ARHGAP21: variants seen among roughly 807,000 people sequenced by gnomAD.
The protein encoded by ARHGAP21 is rho GTPase-activating protein 21.
ARHGAP21 carries 38 observed loss-of-function variants against 164.6 expected under a neutral mutation model. That is an observed-to-expected ratio of 0.23 (90% CI 0.18 to 0.30). The LOEUF is 0.30. Among genes scored for constraint, ARHGAP21 ranks in the 10% least tolerant of loss-of-function variants. The pLI is 1.00. For synonymous variants in ARHGAP21, 766 were observed against 857.9 expected (o/e 0.89, Z 1.87); for missense variants, 1,822 against 2,370.7 (o/e 0.77, Z 4.81).
chr10:24,666,908 C>A, intron 4 of ARHGAP21, 77 bp downstream of exon 4: 2 of 1,034,788 alleles, frequency 1.9e-6, no homozygotes, highest in South Asian at 2.9e-5. Context: ...TATATCATCT[C>A]ATTTAGTATC....
chr10:24,669,065 A>C (rs1840460786), intron 3 of ARHGAP21, among the ~76,000 whole-genome samples: 1 of 152,204 alleles, frequency 6.6e-6, no homozygotes, highest in South Asian at 2.1e-4. Context: ...TACACATTTG[A>C]GAAAACCCAA....
chr10:24,660,386 T>TAAAAA (rs56053080), intron 4 of ARHGAP21, among the ~76,000 whole-genome samples: 10,542 of 59,812 alleles, frequency 0.18, 1,838 homozygotes, highest in Middle Eastern at 0.36. Context: ...CTCTCTCTCT[T>TAAAAA]AAAAAAAAAA....
chr10:24,632,079 A>AC (rs1381040599), intron 6 of ARHGAP21, among the ~76,000 whole-genome samples: 1 of 152,198 alleles, frequency 6.6e-6, no homozygotes, highest in African/African-American at 2.4e-5. Context: ...GTGGTGCATT[A>AC]CCCATTTGCT....
intron 2 of ARHGAP21, among the ~76,000 whole-genome samples, chr10:24,689,807 T>C (rs1221923061): frequency 6.7e-6 from 1 of 149,986 alleles, no homozygotes; most frequent in Non-Finnish European, 1.5e-5. Flanking sequence ...TATGTATATG[T>C]ATGTGTATAT....
intron 2 of ARHGAP21, among the ~76,000 whole-genome samples, chr10:24,720,220 T>C (rs1399547145): frequency 7.5e-6 from 1 of 133,806 alleles, no homozygotes; most frequent in African/African-American, 2.9e-5. Context: ...AAGATGTGTC[T>C]AAATTCTTGG....
chr10:24,632,907 T>C (rs937642963), intron 6 of ARHGAP21, among the ~76,000 whole-genome samples: 15 of 152,180 alleles, frequency 9.9e-5, no homozygotes, highest in African/African-American at 3.1e-4. Flanking sequence ...AATATGTATC[T>C]AACTTTAGAG....
At chr10:24,622,592 G>A (rs1593062345) in intron 8 of ARHGAP21, 141 bp downstream of exon 8, 5 of 853,288 alleles carry the variant, frequency 5.9e-6, no homozygotes, top group East Asian at 2.9e-5. Context: ...TATCACAAAC[G>A]TATTCTGCAA....
Position 24,589,110 on chromosome 10 carries a change from ATTC to A in ARHGAP21, c.4182+158_4182+160del, listed in dbSNP as rs1194129317. Among the ~76,000 whole-genome samples, 56 of 152,270 alleles carry A rather than the reference ATTC, an allele frequency of 3.7e-4. No individual in the cohort carries two copies. The South Asian group carries it at 9.5e-3, about 26-fold the overall frequency. On this transcript the variant is annotated intron_variant, in intron 25 of 25. Transcript: ENST00000396432. ...TTCTTATTCCAACTCAAAATCTAGT[ATTC>A]TTCTTATCATATATTGTTTTAGGAA...
intron 24 of ARHGAP21, 37 bp from the exon 25 acceptor site, chr10:24,589,339 CAAT>C: frequency 6.4e-7 from 1 of 1,570,228 alleles, no homozygotes; most frequent in Admixed American, 1.8e-5. Flanking sequence ...CAGTATTAGC[CAAT>C]CTTTACTGCT....
intron 4 of ARHGAP21, among the ~76,000 whole-genome samples, chr10:24,652,813 C>A (rs1216540629): frequency 1.3e-5 from 2 of 152,162 alleles, no homozygotes; most frequent in Non-Finnish European, 2.9e-5. Flanking sequence ...TACACTGTTG[C>A]TGAGTGTGTA....
At chr10:24,638,988 G>C (rs920962305) in intron 4 of ARHGAP21, among the ~76,000 whole-genome samples, 4 of 152,148 alleles carry the variant, frequency 2.6e-5, no homozygotes, top group Non-Finnish European at 4.4e-5. Flanking sequence ...AAGTAAATAT[G>C]ATCAGTTGGG....
In ARHGAP21 at chr10:24,586,550, T is replaced by C. The variant is rs181896170; in HGVS notation, c.4183-444A>G. 1.2e-4 allele frequency among the ~76,000 whole-genome samples: 19 copies of C among 152,290 alleles called. No individual in the cohort carries two copies. In the East Asian group the frequency reaches 3.7e-3, roughly 29 times the overall value. ...GGTTATTAAACATCACATTCTGATATAGGTTATTAAATGTTTATGACTGAC... is the reference window on the plus strand; with the variant it reads ...GGTTATTAAACATCACATTCTGATACAGGTTATTAAATGTTTATGACTGAC... On this transcript the variant is annotated intron_variant, in intron 25 of 25. Coordinates refer to ENST00000396432, the MANE Select transcript of ARHGAP21 (RefSeq NM_020824.4).
chr10:24,710,601 C>G (rs1031308451), intron 2 of ARHGAP21, among the ~76,000 whole-genome samples: 18 of 151,882 alleles, frequency 1.2e-4, no homozygotes, highest in African/African-American at 4.4e-4. Flanking sequence ...ATGCTGCGCA[C>G]CCTCAGTGTC....
Position 24,595,046 on chromosome 10 carries a change from CAG to C in ARHGAP21, c.3787-9_3787-8del, listed in dbSNP as rs1491332687. 1 of 1,611,672 alleles carries C rather than the reference CAG, an allele frequency of 6.2e-7. No homozygotes were observed. The highest frequency in any genetic ancestry group is 1.7e-5 in the Admixed American group (1 of 59,956). ...GTTCAGGCAAATCGTGAATCTGAAA[CAG>C]ATTATTTTCACAATGGATTCAGAGG... On this transcript the variant is annotated splice_polypyrimidine_tract_variant and splice_region_variant and intron_variant, in intron 20 of 25. Coordinates refer to ENST00000396432, the MANE Select transcript of ARHGAP21 (RefSeq NM_020824.4).
intron 2 of ARHGAP21, among the ~76,000 whole-genome samples, chr10:24,681,136 T>TA (rs1295434373): frequency 1.3e-5 from 2 of 152,024 alleles, no homozygotes; most frequent in African/African-American, 4.8e-5. Flanking sequence ...ATAAAGGTGA[T>TA]AAAAACCTCA....
At chr10:24,589,598 A>C (rs1325584056) in intron 24 of ARHGAP21, 2 of 324,762 alleles carry the variant, frequency 6.2e-6, no homozygotes, top group Non-Finnish European at 1.1e-5. Context: ...TCTAAATATT[A>C]AATCTAGCAA....
chr10:24,597,855 T>C (rs1479198703), intron 15 of ARHGAP21, 90 bp downstream of exon 15: 43 of 1,368,008 alleles, frequency 3.1e-5, no homozygotes, highest in Non-Finnish European at 3.1e-5. Flanking sequence ...AAGCATCCAC[T>C]GGGGGTCTTG....
intron 14 of ARHGAP21, among the ~76,000 whole-genome samples, chr10:24,600,371 C>T (rs536094226): frequency 6.6e-6 from 1 of 152,178 alleles, no homozygotes; most frequent in East Asian, 1.9e-4. Flanking sequence ...ATAACTTGGT[C>T]ACAAACAACC....
At chr10:24,609,253 G>A (rs1449125273) in intron 9 of ARHGAP21, among the ~76,000 whole-genome samples, 1 of 152,168 alleles carries the variant, frequency 6.6e-6, no homozygotes, top group African/African-American at 2.4e-5. Flanking sequence ...CATGGATTAA[G>A]CATTATTGCA....
Sources: gnomAD v4.1 joint callset for allele counts (sites outside exome capture counted in the v4.1 genomes callset) on GRCh38, gnomAD v4.1.1 for gene constraint, MANE v1.5 for transcripts, NCBI Gene and HGNC (gene_info 2026-07-23, HGNC 2026-07-21) for gene names.